The following HIPK2 variants were observed in gnomAD, a reference collection of about 807,000 sequenced individuals.
The protein encoded by HIPK2 is homeodomain-interacting protein kinase 2.
A neutral mutation model predicts 113.7 loss-of-function variants in HIPK2; 27 were observed. The observed-to-expected ratio is 0.24, with a 90% CI of 0.17 to 0.33. The LOEUF (loss-of-function observed/expected upper bound fraction) is 0.33. HIPK2 is among the 10% of genes least tolerant of loss of function. The pLI, the probability that HIPK2 is intolerant of heterozygous loss-of-function variation, is 1.00. For synonymous variants in HIPK2, 631 were observed against 642.2 expected (o/e 0.98, Z 0.26); for missense variants, 1,257 against 1,588.0 (o/e 0.79, Z 3.54).
chr7:139,668,076 A>G (rs1251627871), intron 2 of HIPK2, among the ~76,000 whole-genome samples: 1 of 151,086 alleles, frequency 6.6e-6, no homozygotes, highest in Non-Finnish European at 1.5e-5. Flanking sequence ...CAGCAAGCCG[A>G]GATCAAACCA....
intron 1 of HIPK2, among the ~76,000 whole-genome samples, chr7:139,752,151 T>C (rs1309569330): frequency 6.6e-6 from 1 of 152,362 alleles, no homozygotes; most frequent in East Asian, 1.9e-4. Context: ...CAGCCATGCA[T>C]GTGCCTGTGT....
intron 6 of HIPK2, among the ~76,000 whole-genome samples, chr7:139,624,336 C>T (rs1302942863): frequency 6.6e-6 from 1 of 151,638 alleles, no homozygotes; most frequent in Admixed American, 6.6e-5. Flanking sequence ...ACTTCGTTTC[C>T]TCTCCCCTTC....
At position 139,563,622 on chromosome 7, in the gene HIPK2, C is replaced by A; in HGVS notation, c.*9305G>T. ...TGACACAAAATTCATTTGGTTAATT[C>A]ATGTAAAGGAAAAAACAGCAACACC... is the stretch of plus-strand genomic sequence containing the variant. On this transcript the variant is annotated 3_prime_UTR_variant, in exon 15 of 15. Transcript: ENST00000406875. 1 of 392,642 alleles carries A rather than the reference C, an allele frequency of 2.5e-6. No homozygotes were observed. The allele number at this position is 392,642 out of a possible 1,614,324, so 24.3% of individuals were successfully genotyped here.
At chr7:139,752,656 A>G (rs1341202537) in intron 1 of HIPK2, among the ~76,000 whole-genome samples, 2 of 151,902 alleles carry the variant, frequency 1.3e-5, no homozygotes, top group Non-Finnish European at 2.9e-5. Flanking sequence ...GTTAACTTCT[A>G]TAAAGCAAAT....
intron 1 of HIPK2, among the ~76,000 whole-genome samples, chr7:139,755,279 G>A (rs57058283): frequency 0.037 from 5,612 of 152,236 alleles, 205 homozygotes; most frequent in East Asian, 0.23. Context: ...CCATCAGACC[G>A]ACATACCACA....
At chr7:139,727,421 A>T (rs925532573) in intron 1 of HIPK2, among the ~76,000 whole-genome samples, 1 of 152,218 alleles carries the variant, frequency 6.6e-6, no homozygotes, top group Non-Finnish European at 1.5e-5. Context: ...TGCTCTTCCA[A>T]GAAATGTGGT....
chr7:139,690,965 T>C (rs1437138462), intron 2 of HIPK2, among the ~76,000 whole-genome samples: 1 of 152,144 alleles, frequency 6.6e-6, no homozygotes, highest in African/African-American at 2.4e-5. Flanking sequence ...TCCTGGACAA[T>C]CTCGGCCTGG....
In HIPK2 at chr7:139,562,830, C is replaced by T. The variant is rs1168899313; in HGVS notation, c.*10097G>A. 6.6e-6 allele frequency: 1 copy of T among 152,256 alleles called. No homozygotes were observed. 9.4% of individuals were successfully genotyped at this position (152,256 alleles called of 1,614,324 possible). On this transcript the variant is annotated 3_prime_UTR_variant, in exon 15 of 15. Transcript: ENST00000406875. ...CCTCATCTGTAAAGCTATACTTCTC[C>T]TATCCAATTTGGTTTGATATATATA...
chr7:139,578,515 A>T (rs11976298), intron 13 of HIPK2, among the ~76,000 whole-genome samples: 7,657 of 152,272 alleles, frequency 0.05, 410 homozygotes, highest in African/African-American at 0.13. Context: ...AGCGCATTTT[A>T]AGAGAGAAAG....
intron 2 of HIPK2, among the ~76,000 whole-genome samples, chr7:139,686,669 G>A (rs1369550229): frequency 6.6e-6 from 1 of 152,140 alleles, no homozygotes; most frequent in South Asian, 2.1e-4. Flanking sequence ...GTTTTCTAAG[G>A]GCTCCCCAGC....
chr7:139,768,839 T>C (rs1796597172), intron 1 of HIPK2, among the ~76,000 whole-genome samples: 1 of 152,194 alleles, frequency 6.6e-6, no homozygotes, highest in Non-Finnish European at 1.5e-5. Context: ...TGGAGTGTTC[T>C]GGGGCTTCTG....
intron 1 of HIPK2, among the ~76,000 whole-genome samples, chr7:139,756,007 G>A: frequency 6.6e-6 from 1 of 152,132 alleles, no homozygotes; most frequent in East Asian, 1.9e-4. Flanking sequence ...CATCTCTCAG[G>A]CTCAGACAGT....
rs190009016 is a variant in HIPK2 at position 139,672,527 on chromosome 7, G to A, written c.1104-40802C>T. Among the ~76,000 whole-genome samples, 11 of 152,128 alleles carry A rather than the reference G, an allele frequency of 7.2e-5. No individual in the cohort carries two copies. The East Asian group carries it at 1.2e-3, about 16-fold the overall frequency. ...GTAGCTCCAGCTGGAGTGCAATGGC[G>A]CGATCTCGGCTCACTGCAACCTCTG... On this transcript the variant is annotated intron_variant, in intron 2 of 14. Coordinates refer to ENST00000406875, the MANE Select transcript of HIPK2 (RefSeq NM_022740.5).
intron 2 of HIPK2, among the ~76,000 whole-genome samples, chr7:139,667,576 G>T (rs1802092571): frequency 1.3e-5 from 2 of 152,260 alleles, no homozygotes; most frequent in South Asian, 4.1e-4. Flanking sequence ...ACTGCTGCAG[G>T]ATCCTAATGT....
intron 2 of HIPK2, among the ~76,000 whole-genome samples, chr7:139,689,130 C>T (rs1202234848): frequency 2.0e-5 from 3 of 152,288 alleles, no homozygotes; most frequent in South Asian, 2.1e-4. Flanking sequence ...ATGAGTGCCA[C>T]GTTTGGCTGG....
At chr7:139,628,113 C>T (rs1800492365) in intron 5 of HIPK2, among the ~76,000 whole-genome samples, 1 of 152,190 alleles carries the variant, frequency 6.6e-6, no homozygotes, top group Non-Finnish European at 1.5e-5. Context: ...AGGGATGCAG[C>T]TACAAGTCAA....
rs752467627 is a variant in HIPK2 at position 139,584,082 on chromosome 7, G to A, written c.2718-18C>T. 4 of 1,561,436 alleles carry A rather than the reference G, an allele frequency of 2.6e-6. No homozygotes were observed. The highest frequency in any genetic ancestry group is 3.6e-5 in the Admixed American group (2 of 56,066). ...AGACAGTGCTGAAAATGCAAAGGGAGAAGTCAGAGGTGGGAGAAGGCCGTG... is the reference window on the plus strand; with the variant it reads ...AGACAGTGCTGAAAATGCAAAGGGAAAAGTCAGAGGTGGGAGAAGGCCGTG... On this transcript the variant is annotated intron_variant, in intron 12 of 14. Coordinates refer to ENST00000406875, the MANE Select transcript of HIPK2 (RefSeq NM_022740.5).
At chr7:139,685,491 C>T (rs187713165) in intron 2 of HIPK2, among the ~76,000 whole-genome samples, 40 of 152,226 alleles carry the variant, frequency 2.6e-4, no homozygotes, top group African/African-American at 8.9e-4. Context: ...ATGAAACAGC[C>T]GTCTATTGGA....
At chr7:139,611,328 A>G (rs1035677391) in intron 9 of HIPK2, among the ~76,000 whole-genome samples, 16 of 152,218 alleles carry the variant, frequency 1.1e-4, no homozygotes, top group African/African-American at 3.6e-4. Context: ...ACTGAATCCA[A>G]TATTAAAAAG....
Sources: allele counts gnomAD v4.1 joint callset (sites outside exome capture counted in the v4.1 genomes callset), GRCh38; gene constraint gnomAD v4.1.1; transcripts MANE v1.5; gene names NCBI Gene and HGNC (gene_info 2026-07-23, HGNC 2026-07-21).